GPHN: variants seen among roughly 807,000 people sequenced by gnomAD.
The protein encoded by GPHN is gephyrin.
GPHN carries 17 observed loss-of-function variants against 95.5 expected under a neutral mutation model. The ratio of observed to expected loss-of-function variants is 0.18; its 90% CI spans 0.12 to 0.27. The LOEUF (loss-of-function observed/expected upper bound fraction) is 0.27, where lower values mean the gene tolerates loss of function less well. Ranked by LOEUF, GPHN falls within the 10% of genes least tolerant of loss-of-function variation. The pLI is 1.00. For missense variants in GPHN, 660 were observed against 978.1 expected (o/e 0.67, Z 4.34); for synonymous variants, 320 against 322.5 (o/e 0.99, Z 0.08).
At chr14:66,956,766 AT>A (rs1213281286) in intron 8 of GPHN, among the ~76,000 whole-genome samples, 3 of 152,122 alleles carry the variant, frequency 2.0e-5, no homozygotes, top group African/African-American at 7.2e-5. Flanking sequence ...CATATACACC[AT>A]GGAATACTAT....
the GPHN span, among the ~76,000 whole-genome samples, chr14:67,298,825 A>G: frequency 1.2e-4 from 19 of 152,300 alleles, no homozygotes; most frequent in East Asian, 2.1e-3. Context: ...TGCGATGACA[A>G]TCACCTCTTT....
chr14:67,444,611 A>G, the GPHN span, among the ~76,000 whole-genome samples: 1 of 152,190 alleles, frequency 6.6e-6, no homozygotes, highest in Non-Finnish European at 1.5e-5. Context: ...GTTTATGCTA[A>G]TGAGGTAACT....
At chr14:66,510,094 GTTCTC>G (rs1199628258) in intron 1 of GPHN, among the ~76,000 whole-genome samples, 4 of 152,176 alleles carry the variant, frequency 2.6e-5, no homozygotes, top group African/African-American at 9.7e-5. Context: ...AAGGTGCGCT[GTTCTC>G]TTCTTTTGGT....
At chr14:67,465,172 T>C in the GPHN span, among the ~76,000 whole-genome samples, 3 of 152,230 alleles carry the variant, frequency 2.0e-5, no homozygotes, top group Non-Finnish European at 4.4e-5. Context: ...GCGCCAGGAC[T>C]GGGTTTGTAA....
intron 1 of GPHN, among the ~76,000 whole-genome samples, chr14:66,583,470 T>A (rs1028328809): frequency 1.8e-4 from 27 of 152,312 alleles, no homozygotes; most frequent in African/African-American, 6.0e-4. Flanking sequence ...CATGTCTGTG[T>A]CCTGAATGGT....
intron 2 of GPHN, among the ~76,000 whole-genome samples, chr14:66,714,527 G>C (rs978546331): frequency 1.3e-5 from 2 of 151,550 alleles, no homozygotes; most frequent in Admixed American, 1.3e-4. Context: ...GGACTTCGTG[G>C]TGAGAGTGGG....
At chr14:67,395,316 C>T in the GPHN span, 6 of 1,202,596 alleles carry the variant, frequency 5.0e-6, no homozygotes, top group East Asian at 7.0e-5. Flanking sequence ...GCAGCAAGCA[C>T]AGAGCCCCCC....
In GPHN at chr14:67,051,929, C is replaced by T. The variant is rs774198442; in HGVS notation, c.1007-6720C>T. On this transcript the variant is annotated intron_variant, in intron 10 of 22. Transcript: ENST00000478722. ...CAAATACTGAGGGAATTTGTCACCA[C>T]CAGGCCTGCCTTGCAGGAGCTCCTG... Among the ~76,000 whole-genome samples the T allele has an allele frequency of 1.4e-3, 206 of 152,190 alleles. 6 individuals are homozygous for T. Among genetic ancestry groups the T allele is most frequent in the Non-Finnish European group, 3.2e-4 (22 of 68,032 alleles).
intron 1 of GPHN, among the ~76,000 whole-genome samples, chr14:66,585,837 G>T (rs1009673525): frequency 6.6e-6 from 1 of 152,108 alleles, no homozygotes; most frequent in Non-Finnish European, 1.5e-5. Context: ...AATAGGTGTG[G>T]TGTGGTGCTG....
the GPHN span, among the ~76,000 whole-genome samples, chr14:67,477,182 AT>A: frequency 6.8e-5 from 10 of 146,356 alleles, no homozygotes; most frequent in South Asian, 2.1e-4. Context: ...AAAAAAAAAA[AT>A]GTTCGATATC....
chr14:67,422,592 G>T, the GPHN span, among the ~76,000 whole-genome samples: 1 of 152,212 alleles, frequency 6.6e-6, no homozygotes, highest in African/African-American at 2.4e-5. Flanking sequence ...AGTTGGGCCT[G>T]CCCAGACTGA....
chr14:67,577,397 GC>G, the GPHN span: 1 of 1,583,432 alleles, frequency 6.3e-7, no homozygotes, highest in Non-Finnish European at 8.6e-7. Flanking sequence ...GCAGACGGAG[GC>G]CCTCAAGCTC....
intron 2 of GPHN, among the ~76,000 whole-genome samples, chr14:66,746,413 G>A (rs181988468): frequency 6.6e-6 from 1 of 152,058 alleles, no homozygotes; most frequent in Non-Finnish European, 1.5e-5. Context: ...GGATTGTGTG[G>A]TTCTAACCTT....
chr14:67,243,483 A>G, the GPHN span, among the ~76,000 whole-genome samples: 2 of 132,052 alleles, frequency 1.5e-5, no homozygotes, highest in Admixed American at 8.1e-5. Context: ...CCACCGCCAG[A>G]ATATAATTTT....
chr14:67,299,735 A>G, the GPHN span, among the ~76,000 whole-genome samples: 1,159 of 152,314 alleles, frequency 7.6e-3, 4 homozygotes, highest in Non-Finnish European at 9.9e-3. Context: ...CGGGAGTTCT[A>G]AATTTCTTTA....
the GPHN span, chr14:67,576,262 G>A: frequency 8.0e-6 from 5 of 625,678 alleles, no homozygotes; most frequent in Admixed American, 1.5e-4. This position sits in a 1 kb window ranked among gnomAD's most constrained non-coding sequence, Gnocchi z 4.0. Context: ...GTCTTTCCAG[G>A]TAGCCCTGAC....
intron 3 of GPHN, among the ~76,000 whole-genome samples, chr14:66,800,706 C>T (rs747804176): frequency 6.6e-6 from 1 of 151,866 alleles, no homozygotes; most frequent in Non-Finnish European, 1.5e-5. Context: ...TGTTCTATAC[C>T]ACTCTTCTAC....
the GPHN span, chr14:67,347,578 C>A: frequency 1.3e-6 from 1 of 750,666 alleles, no homozygotes; most frequent in Admixed American, 2.7e-5. Context: ...CTCGCCTCAC[C>A]GCAACCTCTG....
In GPHN at chr14:66,924,744, T is replaced by C. The variant is rs147623372; in HGVS notation, c.828+452T>C. Among the ~76,000 whole-genome samples the C allele has an allele frequency of 8.8e-4, 134 of 152,268 alleles. 2 individuals are homozygous for C. The East Asian group carries it at 0.026, about 29-fold the overall frequency. ...ATTTTGCATCTCATTTTTTTTTCAT[T>C]CATTGAGCTCTCATTACAACCATTG... On this transcript the variant is annotated intron_variant, in intron 8 of 22. Coordinates refer to ENST00000478722, the MANE Select transcript of GPHN (RefSeq NM_020806.5).
Sources: allele counts gnomAD v4.1 joint callset (sites outside exome capture counted in the v4.1 genomes callset), GRCh38; gene constraint gnomAD v4.1.1; non-coding constraint Gnocchi (gnomAD v3.1); transcripts MANE v1.5; gene names NCBI Gene and HGNC (gene_info 2026-07-23, HGNC 2026-07-21).